Variants in CLYBL observed in about 807,000 individuals in gnomAD.
The protein encoded by CLYBL is citramalyl-CoA lyase, mitochondrial.
Under a neutral mutation model 38.9 loss-of-function variants are expected in CLYBL, and 31 were observed. The ratio of observed to expected loss-of-function variants is 0.80; its 90% CI spans 0.60 to 1.08. The LOEUF is 1.08. Among genes scored for constraint, CLYBL ranks in the 50% least tolerant of loss-of-function variants. The probability of loss-of-function intolerance (pLI) is 0.00; values close to 1 mark genes in which losing one functional copy is unlikely to be tolerated. For synonymous variants in CLYBL, 171 were observed against 158.6 expected (o/e 1.08, Z -0.59); for missense variants, 434 against 411.6 (o/e 1.05, Z -0.47).
intron 2 of CLYBL, among the ~76,000 whole-genome samples, chr13:99,811,461 CA>C (rs2050339951): frequency 6.6e-6 from 1 of 152,274 alleles, no homozygotes; most frequent in Admixed American, 6.5e-5. Context: ...TCCCTTCCTC[CA>C]AAATCAATGT....
Position 99,779,564 on chromosome 13 carries a change from A to G in CLYBL, c.249+6554A>G, listed in dbSNP as rs564433298. Among the ~76,000 whole-genome samples the G allele has an allele frequency of 6.6e-5, 10 of 152,342 alleles. No individual in the cohort carries two copies. The South Asian group carries it at 2.1e-3, about 32-fold the overall frequency. On this transcript the variant is annotated intron_variant, in intron 2 of 8. Transcript: ENST00000339105. ...GTTATCCAATCCATTGTGGACTGAT[A>G]CTTTTGTAAAATACAATACAAATGA...
intron 1 of CLYBL, among the ~76,000 whole-genome samples, chr13:99,772,533 C>CA (rs1337606958): frequency 2.6e-5 from 4 of 151,912 alleles, no homozygotes; most frequent in Non-Finnish European, 2.9e-5. Context: ...CCCATCTCTA[C>CA]AAAAAATACA....
chr13:99,856,417 A>G (rs548309305), intron 2 of CLYBL, among the ~76,000 whole-genome samples: 49 of 152,322 alleles, frequency 3.2e-4, no homozygotes, highest in Admixed American at 2.9e-3. Flanking sequence ...AAACTGAGTG[A>G]GTTCCCTTCA....
intron 1 of CLYBL, among the ~76,000 whole-genome samples, chr13:99,772,223 C>A (rs937236415): frequency 6.6e-6 from 1 of 152,038 alleles, no homozygotes; most frequent in African/African-American, 2.4e-5. Context: ...GACAGTATAA[C>A]AATACTGGAA....
At chr13:99,874,684 T>A (rs1052909244) in intron 7 of CLYBL, among the ~76,000 whole-genome samples, 1 of 152,204 alleles carries the variant, frequency 6.6e-6, no homozygotes, top group Admixed American at 6.5e-5. Context: ...CATATAAACA[T>A]TCAAGTATGT....
intron 2 of CLYBL, among the ~76,000 whole-genome samples, chr13:99,786,065 G>A (rs1248542047): frequency 1.3e-5 from 2 of 151,866 alleles, no homozygotes; most frequent in Non-Finnish European, 2.9e-5. Context: ...CTTTAGTAAG[G>A]TTAATATTCA....
At position 99,797,560 on chromosome 13, in the gene CLYBL, T is replaced by TTGTGTGTGTA. The variant is rs2050046956; in HGVS notation, c.249+24559_249+24560insATGTGTGTGT. On this transcript the variant is annotated intron_variant, in intron 2 of 8. Coordinates refer to ENST00000339105, the MANE Select transcript of CLYBL (RefSeq NM_206808.5). ...TTTCTGTGTCTGCCATGTTAGCTGT[T>TTGTGTGTGTA]TGTGTGTGTGTGTGTGTGTGTGTGT... is the stretch of plus-strand genomic sequence containing the variant. Among the ~76,000 whole-genome samples, 3 of 141,812 alleles carry TTGTGTGTGTA rather than the reference T, an allele frequency of 2.1e-5. 1 individual carries two copies. Among genetic ancestry groups the TTGTGTGTGTA allele is most frequent in the South Asian group, 4.7e-4 (2 of 4,224 alleles). 93.0% of individuals were successfully genotyped at this position (141,812 alleles called of 152,430 possible). A position where few individuals can be genotyped will look rare whatever the true frequency, so the allele number is the denominator to read the frequency against.
chr13:99,824,630 C>T (rs374921304), intron 2 of CLYBL, among the ~76,000 whole-genome samples: 62 of 152,274 alleles, frequency 4.1e-4, no homozygotes, highest in East Asian at 2.7e-3. Context: ...CACACTCACA[C>T]GAGCACACAC....
intron 2 of CLYBL, among the ~76,000 whole-genome samples, chr13:99,852,200 G>C (rs570648348): frequency 6.6e-6 from 1 of 152,182 alleles, no homozygotes; most frequent in Non-Finnish European, 1.5e-5. Flanking sequence ...GGAGTGACTT[G>C]CTAAGAAGTA....
downstream of CLYBL, among the ~76,000 whole-genome samples, chr13:99,899,231 T>A (rs1409340563): frequency 1.3e-5 from 2 of 152,196 alleles, no homozygotes; most frequent in African/African-American, 2.4e-5. Context: ...CCCCGCTGCC[T>A]TGCCCAAGAC....
chr13:99,632,990 C>G (rs942523317), intron 1 of CLYBL, among the ~76,000 whole-genome samples: 1 of 117,582 alleles, frequency 8.5e-6, no homozygotes, highest in Admixed American at 8.5e-5. Flanking sequence ...CCTGTAATCC[C>G]AACACTTTGG....
At chr13:99,896,889 CATTT>C (rs1042966531), downstream of CLYBL, 4 of 152,308 alleles carry the variant, frequency 2.6e-5, no homozygotes, top group African/African-American at 7.2e-5. Context: ...TTCATTCATT[CATTT>C]AGTCATTCAA....
At chr13:99,795,636 A>G (rs1236931577) in intron 2 of CLYBL, among the ~76,000 whole-genome samples, 1 of 152,200 alleles carries the variant, frequency 6.6e-6, no homozygotes, top group East Asian at 1.9e-4. Context: ...CCTGGGTGAC[A>G]GAGTGAGAAC....
At chr13:99,719,272 G>A (rs1432757114) in intron 1 of CLYBL, among the ~76,000 whole-genome samples, 1 of 151,464 alleles carries the variant, frequency 6.6e-6, no homozygotes, top group Non-Finnish European at 1.5e-5. Context: ...AGCCTTCTGA[G>A]TAGCTGAGAC....
chr13:99,824,817 T>A (rs1226979624), intron 2 of CLYBL, among the ~76,000 whole-genome samples: 2 of 152,196 alleles, frequency 1.3e-5, no homozygotes, highest in East Asian at 3.9e-4. Flanking sequence ...AGCAGAAGTG[T>A]TTAATCCAAA....
At chr13:99,623,898 G>A (rs1257494230) in intron 1 of CLYBL, among the ~76,000 whole-genome samples, 2 of 149,888 alleles carry the variant, frequency 1.3e-5, no homozygotes, top group Non-Finnish European at 2.9e-5. Flanking sequence ...GGTGAAGGTT[G>A]CAGTGAGCCG....
At chr13:99,812,335 C>G (rs899670962) in intron 2 of CLYBL, among the ~76,000 whole-genome samples, 8 of 152,244 alleles carry the variant, frequency 5.3e-5, no homozygotes, top group Non-Finnish European at 7.4e-5. Context: ...TCAATAGAAC[C>G]CTTTGCACTA....
rs1309255717 is a variant in CLYBL at position 99,716,683 on chromosome 13, CTAT to C, written c.63-56140_63-56138del. Among the ~76,000 whole-genome samples the C allele has an allele frequency of 2.7e-5, 4 of 150,694 alleles. No individual in the cohort carries two copies. The East Asian group carries it at 7.9e-4, about 30-fold the overall frequency. On this transcript the variant is annotated intron_variant, in intron 1 of 8. Coordinates refer to ENST00000339105, the MANE Select transcript of CLYBL (RefSeq NM_206808.5). ...ACAGGCGTGAGCCACCACGCCCAGC[CTAT>C]ACTTGTTTTTGCCTCCTTCAGTTTT...
chr13:99,853,873 T>C (rs149951877), intron 2 of CLYBL, among the ~76,000 whole-genome samples: 100 of 152,362 alleles, frequency 6.6e-4, no homozygotes, highest in African/African-American at 2.2e-3. Flanking sequence ...CTTGACATTT[T>C]CAATAAGATT....
Sources: gnomAD v4.1 joint callset for allele counts (sites outside exome capture counted in the v4.1 genomes callset) on GRCh38, gnomAD v4.1.1 for gene constraint, MANE v1.5 for transcripts, NCBI Gene and HGNC (gene_info 2026-07-23, HGNC 2026-07-21) for gene names.